Variants in NPAS3 observed in about 807,000 individuals in gnomAD.
NPAS3 encodes the protein neuronal PAS domain protein 3.
In NPAS3, 14 loss-of-function variants were observed where a neutral mutation model predicts 73.1. The observed-to-expected ratio is 0.19, with a 90% confidence interval of 0.13 to 0.30. The LOEUF (loss-of-function observed/expected upper bound fraction) is 0.30. Ranked by LOEUF, NPAS3 falls within the 10% of genes least tolerant of loss-of-function variation. NPAS3 has a pLI of 1.00. For missense variants in NPAS3, 1,096 were observed against 1,250.0 expected, an observed-to-expected ratio of 0.88 and a Z score of 1.86; for synonymous variants, 620 against 541.5, an observed-to-expected ratio of 1.14 and a Z score of -2.01.
intron 5 of NPAS3, among the ~76,000 whole-genome samples, chr14:33,578,513 C>T (rs1021719931): frequency 6.6e-6 from 1 of 152,136 alleles, no homozygotes; most frequent in Non-Finnish European, 1.5e-5. Context: ...GTCTTTTGCA[C>T]ACTCAGGGGT....
chr14:33,790,125 T>A (rs1429590453), intron 9 of NPAS3, among the ~76,000 whole-genome samples: 1 of 152,218 alleles, frequency 6.6e-6, no homozygotes, highest in Non-Finnish European at 1.5e-5. Context: ...CCTTTCCCTT[T>A]GTAGTTTGTA....
intron 4 of NPAS3, among the ~76,000 whole-genome samples, chr14:33,387,643 T>C (rs2046827319): frequency 6.6e-6 from 1 of 151,996 alleles, no homozygotes; most frequent in South Asian, 2.1e-4. Context: ...AGGACAGAGC[T>C]GTGGAAAACG....
At chr14:33,659,288 G>A (rs8015064) in intron 5 of NPAS3, among the ~76,000 whole-genome samples, 81,385 of 152,006 alleles carry the variant, frequency 0.54, 21,991 homozygotes, top group African/African-American at 0.61. Context: ...CAGAGGAAAC[G>A]CCAGAGTAAC....
chr14:33,314,361 T>C (rs2043124883), intron 3 of NPAS3, among the ~76,000 whole-genome samples: 1 of 152,050 alleles, frequency 6.6e-6, no homozygotes, highest in Non-Finnish European at 1.5e-5. Flanking sequence ...TCATAGGAGC[T>C]ACACAGACTA....
intron 1 of NPAS3, among the ~76,000 whole-genome samples, chr14:32,985,715 G>A (rs972963535): frequency 2.6e-5 from 4 of 152,160 alleles, no homozygotes; most frequent in African/African-American, 9.7e-5. Context: ...TTTCAGGCCT[G>A]TAGGAGTGCA....
chr14:33,315,462 G>A (rs2043171236), intron 3 of NPAS3, among the ~76,000 whole-genome samples: 3 of 151,588 alleles, frequency 2.0e-5, no homozygotes, highest in African/African-American at 7.3e-5. Flanking sequence ...GCAGGCATGT[G>A]TGCGCCAAGG....
At chr14:33,734,747 T>C (rs2061482460) in intron 6 of NPAS3, among the ~76,000 whole-genome samples, 2 of 152,196 alleles carry the variant, frequency 1.3e-5, no homozygotes, top group African/African-American at 4.8e-5. Flanking sequence ...ACCTTGATAG[T>C]AGATCCCAAA....
chr14:33,664,053 A>G (rs1047204945), intron 5 of NPAS3, among the ~76,000 whole-genome samples: 2 of 151,996 alleles, frequency 1.3e-5, no homozygotes, highest in Non-Finnish European at 2.9e-5. Flanking sequence ...AAGAGCCTTC[A>G]TAGCCAAGAC....
At chr14:33,416,835 ATAT>A (rs1363395150) in intron 4 of NPAS3, among the ~76,000 whole-genome samples, 9 of 151,926 alleles carry the variant, frequency 5.9e-5, no homozygotes, top group Admixed American at 5.9e-4. Context: ...GTCTACTTGC[ATAT>A]TTCTTCTGAG....
At chr14:33,396,656 A>G (rs944312821) in intron 4 of NPAS3, among the ~76,000 whole-genome samples, 2 of 152,128 alleles carry the variant, frequency 1.3e-5, no homozygotes, top group Middle Eastern at 3.2e-3. Context: ...AAGTTTCTTT[A>G]TAGGGGAATT....
At chr14:33,692,707 A>G (rs2060265719) in intron 6 of NPAS3, among the ~76,000 whole-genome samples, 1 of 152,098 alleles carries the variant, frequency 6.6e-6, no homozygotes, top group Non-Finnish European at 1.5e-5. Flanking sequence ...CTAGGAGACT[A>G]AGCAGAGTTT....
At chr14:33,313,141 G>A (rs1004016850) in intron 3 of NPAS3, among the ~76,000 whole-genome samples, 4 of 151,900 alleles carry the variant, frequency 2.6e-5, no homozygotes, top group Non-Finnish European at 5.9e-5. Context: ...GTGAAGTGTC[G>A]GAATGCATGG....
At chr14:33,318,688 C>T (rs978607574) in intron 3 of NPAS3, among the ~76,000 whole-genome samples, 1 of 152,028 alleles carries the variant, frequency 6.6e-6, no homozygotes, top group Non-Finnish European at 1.5e-5. Context: ...TATTATACTT[C>T]TGAAATTTTT....
At chr14:33,777,297 A>G (rs557470040) in intron 8 of NPAS3, among the ~76,000 whole-genome samples, 1 of 152,298 alleles carries the variant, frequency 6.6e-6, no homozygotes, top group South Asian at 2.1e-4. Flanking sequence ...ATCCTTAGAA[A>G]ACCCTCCTTT....
At chr14:33,634,083 G>A (rs908399346) in intron 5 of NPAS3, among the ~76,000 whole-genome samples, 1 of 152,206 alleles carries the variant, frequency 6.6e-6, no homozygotes, top group Non-Finnish European at 1.5e-5. Flanking sequence ...TTAAGGGGAT[G>A]TAACAATGCC....
intron 5 of NPAS3, among the ~76,000 whole-genome samples, chr14:33,659,882 CA>C (rs1173966097): frequency 6.6e-6 from 1 of 151,950 alleles, no homozygotes. Flanking sequence ...ATGGTAGAAA[CA>C]AAAAGAATCC....
At chr14:33,502,803 C>G (rs1057112161) in intron 4 of NPAS3, among the ~76,000 whole-genome samples, 1 of 151,886 alleles carries the variant, frequency 6.6e-6, no homozygotes, top group Non-Finnish European at 1.5e-5. Context: ...TGCAAGCTGT[C>G]CCCCACCCAT....
chr14:33,155,563 T>A lies in NPAS3; in HGVS notation c.141-59619T>A, dbSNP rs367597719. Among the ~76,000 whole-genome samples the A allele has an allele frequency of 2.7e-3, 416 of 152,336 alleles. 1 individual carries two copies. The highest frequency in any genetic ancestry group is 9.3e-3 in the African/African-American group (387 of 41,586). ...GAGCCACTATGCTTGGCTTTCTTTA[T>A]TCCGAGTAGAGATTATATACAATGC... On this transcript the variant is annotated intron_variant, in intron 2 of 11. Coordinates refer to ENST00000356141, the Ensembl canonical transcript of NPAS3.
At chr14:33,226,719 C>T (rs1239127050) in intron 3 of NPAS3, among the ~76,000 whole-genome samples, 2 of 152,124 alleles carry the variant, frequency 1.3e-5, no homozygotes, top group Admixed American at 6.6e-5. Context: ...TGCTACCGTA[C>T]TAAGTGCTTG....
Sources: gnomAD v4.1 joint callset for allele counts (sites outside exome capture counted in the v4.1 genomes callset) on GRCh38, gnomAD v4.1.1 for gene constraint, MANE v1.5 for transcripts, NCBI Gene and HGNC (gene_info 2026-07-23, HGNC 2026-07-21) for gene names.